NFIB: variants seen among roughly 807,000 people sequenced by gnomAD.
NFIB encodes nuclear factor I B, also known as nuclear factor 1 B-type.
In NFIB, 11 loss-of-function variants were observed where a neutral mutation model predicts 61.5. The ratio of observed to expected loss-of-function variants is 0.18; its 90% CI spans 0.11 to 0.30. The LOEUF (loss-of-function observed/expected upper bound fraction) is 0.30, where lower values mean the gene tolerates loss of function less well. NFIB is among the 10% of genes least tolerant of loss of function. The pLI, the probability that NFIB is intolerant of heterozygous loss-of-function variation, is 1.00. For missense variants in NFIB, 471 were observed against 608.9 expected (o/e 0.77, Z 2.38); for synonymous variants, 260 against 216.5 (o/e 1.20, Z -1.76).
chr9:14,447,340 C>T, the NFIB span, among the ~76,000 whole-genome samples: 1 of 152,074 alleles, frequency 6.6e-6, no homozygotes, highest in Admixed American at 6.6e-5. Flanking sequence ...GCAGTATGCT[C>T]CGTATTCTCA....
chr9:14,385,784 CTTT>C (rs533472565), intron 1 of NFIB, among the ~76,000 whole-genome samples: 1 of 139,838 alleles, frequency 7.2e-6, no homozygotes, highest in African/African-American at 2.6e-5. Flanking sequence ...ACAGTGGAAT[CTTT>C]TTTTTTTTTT....
At chr9:14,376,977 T>C (rs915581752) in intron 1 of NFIB, among the ~76,000 whole-genome samples, 1 of 152,186 alleles carries the variant, frequency 6.6e-6, no homozygotes, top group Non-Finnish European at 1.5e-5. Flanking sequence ...AAATAAAATA[T>C]ACTCAAGGCC....
chr9:14,521,929 T>TC, the NFIB span, among the ~76,000 whole-genome samples: 2 of 152,198 alleles, frequency 1.3e-5, no homozygotes, highest in African/African-American at 2.4e-5. Flanking sequence ...CAGCAGTATC[T>TC]CCCCATATCC....
At chr9:14,276,136 T>C (rs970572028) in intron 2 of NFIB, among the ~76,000 whole-genome samples, 1 of 152,126 alleles carries the variant, frequency 6.6e-6, no homozygotes, top group African/African-American at 2.4e-5. Context: ...ACTCCATTTT[T>C]TGGTATGAGG....
intron 6 of NFIB, among the ~76,000 whole-genome samples, chr9:14,140,510 T>C (rs1371132337): frequency 2.0e-5 from 3 of 152,208 alleles, no homozygotes; most frequent in Non-Finnish European, 2.9e-5. Flanking sequence ...CACAGTAGCA[T>C]ATTAAATATT....
chr9:14,519,421 A>C, the NFIB span, among the ~76,000 whole-genome samples: 38 of 152,324 alleles, frequency 2.5e-4, no homozygotes, highest in South Asian at 3.7e-3. Context: ...TTTTCTCAGA[A>C]AGGTAAGCAA....
In NFIB at chr9:14,313,928, T is replaced by A; in HGVS notation, c.-417A>T. 1 of 1,042,358 alleles carries A rather than the reference T, an allele frequency of 9.6e-7. No individual in the cohort carries two copies. The highest frequency in any genetic ancestry group is 1.1e-6 in the Non-Finnish European group (1 of 872,828). 64.6% of individuals were successfully genotyped at this position (1,042,358 alleles called of 1,614,324 possible). A position where few individuals can be genotyped will look rare whatever the true frequency, so the allele number is the denominator to read the frequency against. ...ATTGGGGTGGTGGTTGGTGGTAAAA[T>A]GCTTTTTCAAAAAAGGCGGGGAGGG... On this transcript the variant is annotated 5_prime_UTR_variant, in exon 1 of 11. Transcript: ENST00000380953. The surrounding 1 kb of genome is among the most constrained non-coding windows in gnomAD (Gnocchi z 4.5).
At chr9:14,492,953 C>G in the NFIB span, among the ~76,000 whole-genome samples, 1 of 152,168 alleles carries the variant, frequency 6.6e-6, no homozygotes, top group Non-Finnish European at 1.5e-5. Context: ...CATATTCCTA[C>G]TGTTTGATGA....
At chr9:14,229,932 G>T (rs1382258221) in intron 2 of NFIB, among the ~76,000 whole-genome samples, 2 of 152,162 alleles carry the variant, frequency 1.3e-5, no homozygotes, top group African/African-American at 4.8e-5. Context: ...CTCCCGAGTA[G>T]TGGAATTACA....
chr9:14,138,010 C>T (rs1403313334), intron 6 of NFIB, among the ~76,000 whole-genome samples: 1 of 152,056 alleles, frequency 6.6e-6, no homozygotes, highest in Admixed American at 6.6e-5. Context: ...CATAATATCT[C>T]AATGACTTAT....
chr9:14,342,332 A>G (rs1479034904), intron 1 of NFIB, among the ~76,000 whole-genome samples: 2 of 152,188 alleles, frequency 1.3e-5, no homozygotes, highest in Non-Finnish European at 2.9e-5. Flanking sequence ...GGAGCAACAA[A>G]GTTTCCCTTA....
chr9:14,256,326 A>C (rs2056216187), intron 2 of NFIB, among the ~76,000 whole-genome samples: 1 of 152,216 alleles, frequency 6.6e-6, no homozygotes, highest in South Asian at 2.1e-4. Flanking sequence ...CTAAGAAAAA[A>C]AATTATTAAT....
At chr9:14,334,195 T>C (rs553221275) in intron 1 of NFIB, among the ~76,000 whole-genome samples, 6 of 152,340 alleles carry the variant, frequency 3.9e-5, no homozygotes, top group Middle Eastern at 3.4e-3. Context: ...ATGTTTTCTA[T>C]TACACATATG....
chr9:14,160,362 C>T (rs1446284648), intron 3 of NFIB, among the ~76,000 whole-genome samples: 2 of 151,926 alleles, frequency 1.3e-5, no homozygotes, highest in East Asian at 1.9e-4. Context: ...TGTTAAACAA[C>T]ATTTACATAG....
At chr9:14,499,679 C>A in the NFIB span, among the ~76,000 whole-genome samples, 1 of 152,130 alleles carries the variant, frequency 6.6e-6, no homozygotes, top group African/African-American at 2.4e-5. Flanking sequence ...GCTCACACAG[C>A]CAGAAACATG....
the NFIB span, among the ~76,000 whole-genome samples, chr9:14,414,412 G>T: frequency 5.5e-5 from 8 of 146,526 alleles, no homozygotes; most frequent in Non-Finnish European, 1.0e-4. Context: ...TCCAGCCTGC[G>T]GACAGAGTGA....
the NFIB span, among the ~76,000 whole-genome samples, chr9:14,455,042 G>A: frequency 6.6e-6 from 1 of 152,174 alleles, no homozygotes; most frequent in African/African-American, 2.4e-5. Flanking sequence ...CCCCATGATT[G>A]GGGGTTATTT....
chr9:14,392,429 A>T (rs890054626), intron 1 of NFIB, among the ~76,000 whole-genome samples: 1 of 152,232 alleles, frequency 6.6e-6, no homozygotes, highest in Non-Finnish European at 1.5e-5. Flanking sequence ...AAACTATTCT[A>T]ACATAAAAAG....
chr9:14,256,880 T>A (rs1587965439), intron 2 of NFIB, among the ~76,000 whole-genome samples: 1 of 152,210 alleles, frequency 6.6e-6, no homozygotes, highest in Non-Finnish European at 1.5e-5. Context: ...AACCAGGAAC[T>A]GAGCTTCCAT....
Sources: allele counts gnomAD v4.1 joint callset (sites outside exome capture counted in the v4.1 genomes callset), GRCh38; gene constraint gnomAD v4.1.1; non-coding constraint Gnocchi (gnomAD v3.1); transcripts MANE v1.5; gene names NCBI Gene and HGNC (gene_info 2026-07-23, HGNC 2026-07-21).